The following KANSL3 variants were observed in gnomAD, a reference collection of about 807,000 sequenced individuals.
The protein encoded by KANSL3 is NSL complex protein NSL3.
KANSL3 carries 16 observed loss-of-function variants against 89.2 expected under a neutral mutation model. The observed-to-expected ratio is 0.18, with a 90% CI of 0.12 to 0.27. KANSL3 has a LOEUF of 0.27. Among genes scored for constraint, KANSL3 ranks in the 10% least tolerant of loss-of-function variants. The pLI, the probability that KANSL3 is intolerant of heterozygous loss-of-function variation, is 1.00. For missense variants in KANSL3, 879 were observed against 1,110.6 expected, an observed-to-expected ratio of 0.79 and a Z score of 2.96; for synonymous variants, 385 against 419.7, an observed-to-expected ratio of 0.92 and a Z score of 1.01.
intron 5 of KANSL3, 32 bp from the exon 6 acceptor site, chr2:96,613,651 G>C: frequency 6.2e-7 from 1 of 1,603,756 alleles, no homozygotes; most frequent in Non-Finnish European, 8.5e-7. Context: ...GATGACTCCA[G>C]TGTAAAGCAG....
At chr2:96,588,852 G>C (rs1166709072), downstream of KANSL3, among the ~76,000 whole-genome samples, 1 of 152,032 alleles carries the variant, frequency 6.6e-6, no homozygotes, top group Non-Finnish European at 1.5e-5. Flanking sequence ...CCTTGGCCTT[G>C]CAAAGTGCTG....
At chr2:96,588,492 AAAT>A (rs1336945880), downstream of KANSL3, among the ~76,000 whole-genome samples, 1 of 152,226 alleles carries the variant, frequency 6.6e-6, no homozygotes, top group Non-Finnish European at 1.5e-5. Context: ...AGAGTTCTCT[AAAT>A]AAGAAGGAAA....
rs1335236906 is a variant in KANSL3 at position 96,612,331 on chromosome 2, T to A, written c.1037A>T (p.Lys346Ile). ...VLEIHSHFPH[K>I]PIILIGWNTG... ...GTTCCAGCCAATCAAGATAATGGGTTTGTGTGGGAAATGGCTGTGAATCTT... is the reference window on the plus strand; with the variant it reads ...GTTCCAGCCAATCAAGATAATGGGTATGTGTGGGAAATGGCTGTGAATCTT... Residue 346 changes from lysine (K) to isoleucine (I), a missense_variant, in exon 9 of 21, where the codon AAA (lysine) becomes ATA (isoleucine). Physicochemically the swap from Lys to Ile is moderately radical, Grantham distance 102. Around this residue, in one of 6 missense-constraint regions of KANSL3, gnomAD observed 198 missense variants for 260.3 expected, o/e 0.76. Coordinates refer to ENST00000431828, the MANE Select transcript of KANSL3 (RefSeq NM_001115016.3). 1 of 1,613,708 alleles carries A rather than the reference T, an allele frequency of 6.2e-7. No individual in the cohort carries two copies. Among genetic ancestry groups the A allele is most frequent in the East Asian group, 2.2e-5 (1 of 44,882 alleles).
intron 2 of KANSL3, among the ~76,000 whole-genome samples, chr2:96,631,799 C>T (rs2073434529): frequency 6.6e-6 from 1 of 152,002 alleles, no homozygotes; most frequent in South Asian, 2.1e-4. Flanking sequence ...GTAATACCAC[C>T]ACTTTGGGAA....
intron 3 of KANSL3, among the ~76,000 whole-genome samples, chr2:96,626,847 C>T (rs934953952): frequency 2.6e-5 from 4 of 152,108 alleles, no homozygotes; most frequent in Non-Finnish European, 4.4e-5. Context: ...TATAAGAGGC[C>T]GGACAGAAAA....
intron 20 of KANSL3, chr2:96,597,967 GA>G: frequency 3.4e-6 from 1 of 293,232 alleles, no homozygotes; most frequent in Non-Finnish European, 5.1e-6. Flanking sequence ...GCCAGACCTT[GA>G]TCTTTATTCT....
intron 2 of KANSL3, among the ~76,000 whole-genome samples, chr2:96,633,584 G>A (rs1225675920): frequency 2.1e-5 from 3 of 141,038 alleles, no homozygotes; most frequent in Admixed American, 7.1e-5. Flanking sequence ...AAAAAAAAAA[G>A]GCCGGACATG....
chr2:96,609,151 C>T (rs544276908), intron 12 of KANSL3, 87 bp from the exon 13 acceptor site: 1 of 1,198,268 alleles, frequency 8.3e-7, no homozygotes, highest in South Asian at 1.4e-5. Flanking sequence ...AAAACAGATT[C>T]TCCCTCAGCT....
chr2:96,629,077 T>C (rs2072909314), intron 3 of KANSL3, among the ~76,000 whole-genome samples: 1 of 152,176 alleles, frequency 6.6e-6, no homozygotes, highest in South Asian at 2.1e-4. Flanking sequence ...AGGGGGGATA[T>C]ACCTCCAAGA....
chr2:96,619,634 A>G, intron 4 of KANSL3, 38 bp downstream of exon 4: 2 of 1,594,742 alleles, frequency 1.3e-6, no homozygotes, highest in Non-Finnish European at 1.7e-6. Context: ...GGCCTGAACT[A>G]CGAAGAGCCC....
At chr2:96,615,164 T>TAAAAAAAAAAAAAAA (rs2069768824) in intron 5 of KANSL3, 1 of 17,862 alleles carries the variant, frequency 5.6e-5, no homozygotes, top group Non-Finnish European at 9.0e-5. Flanking sequence ...GGAGACTGTC[T>TAAAAAAAAAAAAAAA]CAAAAAAAAA....
At position 96,608,653 on chromosome 2, in the gene KANSL3, A is replaced by G. The variant is rs1291756454; in HGVS notation, c.1596T>C (p.Ser532=). 6.2e-7 allele frequency: 1 copy of G among 1,614,026 alleles called. No homozygotes were observed. Residue 532 remains serine (S), a synonymous_variant, in exon 14 of 21, where the codon AGT becomes AGC. Transcript: ENST00000431828. The part of the protein sequence containing the change: ...ASPSGSEDLS[S]VSSSPTSSPK... Reference sequence around the variant, plus strand: ...GACTGGAGGTGGGGCTGCTGGACACACTGGAGAGATCCTGAGTAAGGTGAG... The same window carrying G: ...GACTGGAGGTGGGGCTGCTGGACACGCTGGAGAGATCCTGAGTAAGGTGAG...
At position 96,608,522 on chromosome 2, in the gene KANSL3, T is replaced by A; in HGVS notation, c.1727A>T (p.His576Leu). Reference protein sequence around the residue: ...HVQRTEAVLTHKQAQVPISSE... With the variant: ...HVQRTEAVLTLKQAQVPISSE... ...AGTGCCTATACCTTGAGCTTGTTTG[T>A]GGGTCAGCACAGCTTCTGTCCGCTG... Residue 576 changes from histidine (H) to leucine (L), a missense_variant, in exon 14 of 21, where the codon CAC (histidine) becomes CTC (leucine). By Grantham distance (99) the His-to-Leu change is moderately conservative (BLOSUM62 -3). Coordinates refer to ENST00000431828, the MANE Select transcript of KANSL3 (RefSeq NM_001115016.3). 6.2e-7 allele frequency: 1 copy of A among 1,614,004 alleles called. No homozygotes were observed. The highest frequency in any genetic ancestry group is 1.1e-5 in the South Asian group (1 of 91,080).
intron 3 of KANSL3, among the ~76,000 whole-genome samples, chr2:96,620,449 T>C (rs576678413): frequency 6.6e-6 from 1 of 152,304 alleles, no homozygotes; most frequent in East Asian, 1.9e-4. Flanking sequence ...TTCACACATC[T>C]ACCTTATTGC....
chr2:96,601,817 C>T, intron 19 of KANSL3, 41 bp from the exon 20 acceptor site: 1 of 1,517,630 alleles, frequency 6.6e-7, no homozygotes, highest in Non-Finnish European at 8.8e-7. Flanking sequence ...GAGTCACACT[C>T]TCCACCTTCT....
the KANSL3 span, among the ~76,000 whole-genome samples, chr2:96,585,417 A>G: frequency 6.6e-6 from 1 of 152,242 alleles, no homozygotes; most frequent in Non-Finnish European, 1.5e-5. Context: ...AATCAAAGCC[A>G]GTGTGAAACC....
intron 5 of KANSL3, among the ~76,000 whole-genome samples, chr2:96,614,726 A>T (rs905783383): frequency 1.1e-4 from 16 of 151,184 alleles, no homozygotes; most frequent in Admixed American, 3.3e-4. Context: ...AGCCAAGGTC[A>T]TGACACTGCA....
At chr2:96,610,916 TTCA>T (rs1451499126) in intron 10 of KANSL3, 33 bp from the exon 11 acceptor site, 1 of 1,608,214 alleles carries the variant, frequency 6.2e-7, no homozygotes, top group Non-Finnish European at 8.5e-7. Context: ...AATCGGCTTC[TTCA>T]TATTCACAAA....
intron 2 of KANSL3, among the ~76,000 whole-genome samples, chr2:96,633,265 A>G (rs956341381): frequency 6.6e-6 from 1 of 151,924 alleles, no homozygotes; most frequent in Non-Finnish European, 1.5e-5. Flanking sequence ...AAAAAAAAAA[A>G]TTTAAATAGA....
Sources: allele counts gnomAD v4.1 joint callset (sites outside exome capture counted in the v4.1 genomes callset), GRCh38; gene constraint gnomAD v4.1.1; regional missense constraint gnomAD v4.1.1; transcripts MANE v1.5; gene names NCBI Gene and HGNC (gene_info 2026-07-23, HGNC 2026-07-21).